GPR83: variants seen among roughly 807,000 people sequenced by gnomAD.
The protein encoded by GPR83 is G-protein coupled receptor 72.
Under a neutral mutation model 28.0 loss-of-function variants are expected in GPR83, and 23 were observed. The ratio of observed to expected loss-of-function variants is 0.82; its 90% confidence interval spans 0.59 to 1.16. The LOEUF (loss-of-function observed/expected upper bound fraction) is 1.16, where lower values mean the gene tolerates loss of function less well. Ranked by LOEUF, GPR83 falls within the 50% of genes most tolerant of loss-of-function variation. The pLI is 0.00. For missense variants in GPR83, 610 were observed against 536.6 expected, an observed-to-expected ratio of 1.14 and a Z score of -1.35; for synonymous variants, 234 against 215.4, an observed-to-expected ratio of 1.09 and a Z score of -0.76.
intron 3 of GPR83, among the ~76,000 whole-genome samples, chr11:94,389,264 G>T (rs962532092): frequency 6.6e-6 from 1 of 152,176 alleles, no homozygotes; most frequent in Non-Finnish European, 1.5e-5. Context: ...ACAGGCATGG[G>T]CAAGGACTTC....
At chr11:94,399,515 C>T (rs1944892943) in intron 1 of GPR83, among the ~76,000 whole-genome samples, 1 of 152,144 alleles carries the variant, frequency 6.6e-6, no homozygotes, top group East Asian at 1.9e-4. Flanking sequence ...CCTCTCTGTG[C>T]CCTAGTTTTC....
intron 1 of GPR83, among the ~76,000 whole-genome samples, chr11:94,398,554 G>T (rs34680397): frequency 1.3e-5 from 2 of 152,090 alleles, no homozygotes; most frequent in African/African-American, 4.8e-5. Context: ...TGACCCTCTC[G>T]TGGGACTCTG....
chr11:94,399,271 T>C (rs1173916688), intron 1 of GPR83, among the ~76,000 whole-genome samples: 1 of 152,178 alleles, frequency 6.6e-6, no homozygotes, highest in Non-Finnish European at 1.5e-5. Context: ...AGCCCACTCA[T>C]CCTTGGGTAA....
rs901138055 is a variant in GPR83 at position 94,400,748 on chromosome 11, G to A, written c.387+113C>T. ...AAATGAGGAGGAAGAGAGATGTGGA[G>A]AGAGAAGTGGGGACCCACAGGGAGA... On this transcript the variant is annotated intron_variant, in intron 1 of 3. Coordinates refer to ENST00000243673, the MANE Select transcript of GPR83 (RefSeq NM_016540.4). The A allele has an allele frequency of 7.0e-5, 60 of 854,624 alleles. No homozygotes were observed. The South Asian group carries it at 9.8e-4, about 14-fold the overall frequency. 52.9% of individuals were successfully genotyped at this position (854,624 alleles called of 1,614,324 possible).
In GPR83 at chr11:94,380,507, C is replaced by G. The variant is rs866269807; in HGVS notation, c.914G>C (p.Trp305Ser). 16 of 1,614,080 alleles carry G rather than the reference C, an allele frequency of 9.9e-6. No individual in the cohort carries two copies. Among genetic ancestry groups the G allele is most frequent in the Non-Finnish European group, 1.3e-5 (15 of 1,180,030 alleles). The change falls in exon 4 of 4, where the codon TGG becomes TCG. Residue 305 changes from tryptophan to serine, a missense_variant. Trp to Ser is a radical substitution (Grantham distance 177). Transcript: ENST00000243673. ...MLVVVLFALC[W>S]FPLNCYVLLL... ...GAGGACGTAGCAGTTGAGGGGGAAC[C>G]AGCAGAGGGCAAAGAGGACTACCAC... is the stretch of plus-strand genomic sequence containing the variant.
At chr11:94,384,767 C>T (rs537374536) in intron 3 of GPR83, among the ~76,000 whole-genome samples, 2 of 152,332 alleles carry the variant, frequency 1.3e-5, no homozygotes, top group South Asian at 4.1e-4. Flanking sequence ...GACTCCACCT[C>T]TGGGGACAGG....
intron 1 of GPR83, among the ~76,000 whole-genome samples, chr11:94,399,629 G>A (rs1944893584): frequency 6.6e-6 from 1 of 152,254 alleles, no homozygotes; most frequent in South Asian, 2.1e-4. Context: ...CACAGGTGAT[G>A]GACTTGTGGG....
At position 94,377,726 on chromosome 11, in the gene GPR83, T is replaced by A. The variant is rs1423201100; in HGVS notation, c.*2423A>T. On this transcript the variant is annotated 3_prime_UTR_variant, in exon 4 of 4. Transcript: ENST00000243673. ...ATTAGAAGATAGGCTTTGTGTTAAA[T>A]GATTTTTCCCAGCTGTAGGCTAATA... 6.6e-6 allele frequency: 1 copy of A among 152,244 alleles called. No homozygotes were observed. The highest frequency in any genetic ancestry group is 1.5e-5 in the Non-Finnish European group (1 of 68,044). The allele number at this position is 152,244 out of a possible 1,614,324, so 9.4% of individuals were successfully genotyped here.
At chr11:94,383,058 C>T (rs1944710510) in intron 3 of GPR83, among the ~76,000 whole-genome samples, 1 of 151,590 alleles carries the variant, frequency 6.6e-6, no homozygotes, top group South Asian at 2.1e-4. Context: ...GTCCCAGCTA[C>T]TCGGGAGGCT....
At chr11:94,388,017 A>G (rs572542078) in intron 3 of GPR83, among the ~76,000 whole-genome samples, 46 of 152,360 alleles carry the variant, frequency 3.0e-4, no homozygotes, top group Non-Finnish European at 5.3e-4. Context: ...AGGCTGGTTC[A>G]ACATATACAA....
chr11:94,396,474 G>A lies in GPR83; in HGVS notation c.438C>T (p.Val146=), dbSNP rs1267853624. 2 of 1,614,102 alleles carry A rather than the reference G, an allele frequency of 1.2e-6. No homozygotes were observed. The highest frequency in any genetic ancestry group is 8.5e-7 in the Non-Finnish European group (1 of 1,179,942). ...GTGAGCAGTACTGGGCAAAGCGGCT[G>A]ACATGGCACATGCCCTTCCCAAATA... ...TWIFGKGMCH[V]SRFAQYCSLH... The change falls in exon 2 of 4, where the codon GTC becomes GTT. Residue 146 remains valine (V), a synonymous_variant. Transcript: ENST00000243673.
chr11:94,393,712 G>T, intron 2 of GPR83, 94 bp from the exon 3 acceptor site: 1 of 1,177,452 alleles, frequency 8.5e-7, no homozygotes, highest in Non-Finnish European at 1.2e-6. Flanking sequence ...TGTAATCCCA[G>T]CACTTTGGGA....
Position 94,379,965 on chromosome 11 carries a change from T to C in GPR83, c.*184A>G, listed in dbSNP as rs1302929597. The C allele has an allele frequency of 4.6e-6, 2 of 436,720 alleles. No individual in the cohort carries two copies. The highest frequency in any genetic ancestry group is 8.1e-6 in the Non-Finnish European group (2 of 248,004). 27.1% of individuals were successfully genotyped at this position (436,720 alleles called of 1,614,324 possible). A position where few individuals can be genotyped will look rare whatever the true frequency, so the allele number is the denominator to read the frequency against. Reference sequence around the variant, plus strand: ...AATTTATGAACACATGTCTAGTTGGTGGTGCCTTTTAGTTTTCACATCACA... The same window carrying C: ...AATTTATGAACACATGTCTAGTTGGCGGTGCCTTTTAGTTTTCACATCACA... On this transcript the variant is annotated 3_prime_UTR_variant, in exon 4 of 4. Coordinates refer to ENST00000243673, the MANE Select transcript of GPR83 (RefSeq NM_016540.4).
In GPR83 at chr11:94,378,976, C is replaced by A. The variant is rs962600060; in HGVS notation, c.*1173G>T. 1.3e-5 allele frequency: 2 copies of A among 152,248 alleles called. No homozygotes were observed. The highest frequency in any genetic ancestry group is 4.8e-5 in the African/African-American group (2 of 41,420). 9.4% of individuals were successfully genotyped at this position (152,248 alleles called of 1,614,324 possible). On this transcript the variant is annotated 3_prime_UTR_variant, in exon 4 of 4. Coordinates refer to ENST00000243673, the MANE Select transcript of GPR83 (RefSeq NM_016540.4). ...TCTGTCTGCGTGGTGACAGGCTTCA[C>A]CTTGGGATCTTCTCACCTCTTCTTC...
rs1944631854 is a variant in GPR83 at position 94,377,420 on chromosome 11, GA to G, written c.*2728del. The G allele has an allele frequency of 2.0e-5, 3 of 152,240 alleles. No individual in the cohort carries two copies. The South Asian group carries it at 6.2e-4, about 32-fold the overall frequency. The allele number at this position is 152,240 out of a possible 1,614,324, so 9.4% of individuals were successfully genotyped here. A position where few individuals can be genotyped will look rare whatever the true frequency, so the allele number is the denominator to read the frequency against. On this transcript the variant is annotated 3_prime_UTR_variant, in exon 4 of 4. Coordinates refer to ENST00000243673, the MANE Select transcript of GPR83 (RefSeq NM_016540.4). ...TTCACAAATTTTACATTCACAAAAA[GA>G]AGTCACTTTTTGCTCAAAGTCACAC... is the stretch of plus-strand genomic sequence containing the variant.
Position 94,401,322 on chromosome 11 carries a change from G to C in GPR83, c.-75C>G, listed in dbSNP as rs1398657839. 3 of 1,416,642 alleles carry C rather than the reference G, an allele frequency of 2.1e-6. No homozygotes were observed. The highest frequency in any genetic ancestry group is 2.8e-6 in the Non-Finnish European group (3 of 1,067,930). The allele number at this position is 1,416,642 out of a possible 1,614,324, so 87.8% of individuals were successfully genotyped here. On this transcript the variant is annotated 5_prime_UTR_variant, in exon 1 of 4. Transcript: ENST00000243673. ...CCCGCTGGGATCGGAGCGCGCAGCC[G>C]GGGTGCGGGGCGCACAGCATACAAG...
intron 1 of GPR83, among the ~76,000 whole-genome samples, chr11:94,397,439 C>T (rs938217776): frequency 5.9e-5 from 9 of 152,132 alleles, no homozygotes; most frequent in Admixed American, 1.3e-4. Flanking sequence ...GCAATGGGGC[C>T]ACCACATAGG....
chr11:94,396,502 C>T lies in GPR83; in HGVS notation c.410G>A (p.Trp137Ter). The change falls in exon 2 of 4, where the codon TGG becomes TAG. Residue 137 changes from tryptophan to a stop codon, truncating the protein, a stop_gained. Coordinates refer to ENST00000243673, the MANE Select transcript of GPR83 (RefSeq NM_016540.4). LOFTEE classifies it high-confidence loss of function. ...ATGGCACATGCCCTTCCCAAATATC[C>T]ATGTGCTGTTCACAAAGCGAACCTG... ...FTLVRFVNST[W>*]IFGKGMCHVS... 1 of 1,614,072 alleles carries T rather than the reference C, an allele frequency of 6.2e-7. No homozygotes were observed. Among genetic ancestry groups the T allele is most frequent in the Non-Finnish European group, 8.5e-7 (1 of 1,179,916 alleles).
At chr11:94,383,509 GAC>G (rs1944715071) in intron 3 of GPR83, among the ~76,000 whole-genome samples, 2 of 152,164 alleles carry the variant, frequency 1.3e-5, no homozygotes, top group South Asian at 2.1e-4. Flanking sequence ...TGGAGATAGA[GAC>G]AAAAAACCCT....
Sources: allele counts gnomAD v4.1 joint callset (sites outside exome capture counted in the v4.1 genomes callset), GRCh38; gene constraint gnomAD v4.1.1; transcripts MANE v1.5; gene names NCBI Gene and HGNC (gene_info 2026-07-23, HGNC 2026-07-21).